The following RBMS3 variants were observed in gnomAD, a reference collection of about 807,000 sequenced individuals.
RBMS3 encodes the protein RNA binding motif single stranded interacting protein 3.
RBMS3 carries 27 observed loss-of-function variants against 66.8 expected under a neutral mutation model. That is an observed-to-expected ratio of 0.40 (90% confidence interval 0.30 to 0.56). The LOEUF (loss-of-function observed/expected upper bound fraction) is 0.56. RBMS3 is among the 20% of genes least tolerant of loss of function. The pLI, the probability that RBMS3 is intolerant of heterozygous loss-of-function variation, is 0.40. For missense variants in RBMS3, 513 were observed against 549.5 expected (o/e 0.93, Z 0.66); for synonymous variants, 188 against 183.0 (o/e 1.03, Z -0.22).
intron 3 of RBMS3, among the ~76,000 whole-genome samples, chr3:29,508,407 C>T (rs1451157377): frequency 1.3e-5 from 2 of 152,032 alleles, no homozygotes; most frequent in African/African-American, 2.4e-5. Flanking sequence ...TGTGTCCATG[C>T]GTTCTCATTG....
intron 10 of RBMS3, among the ~76,000 whole-genome samples, chr3:29,923,411 T>TG (rs372628369): frequency 1.5e-3 from 227 of 152,148 alleles, no homozygotes; most frequent in African/African-American, 5.2e-3. Flanking sequence ...AATGATGAGG[T>TG]GGGGGGTTCT....
rs932447463 is a variant in RBMS3 at position 29,378,492 on chromosome 3, A to C, written c.76-56251A>C. ...GTCTCAAAAAAATAAAACATTAAAA[A>C]AAAAAACAAAAAACAACTGTCTATT... On this transcript the variant is annotated intron_variant, in intron 1 of 14. Transcript: ENST00000383767. Among the ~76,000 whole-genome samples the C allele has an allele frequency of 4.0e-4, 13 of 32,412 alleles. No homozygotes were observed. In the South Asian group the frequency reaches 0.048, roughly 119 times the overall value. 21.3% of individuals were successfully genotyped at this position (32,412 alleles called of 152,430 possible).
At chr3:29,351,896 C>A (rs1421455472) in intron 1 of RBMS3, among the ~76,000 whole-genome samples, 1 of 151,942 alleles carries the variant, frequency 6.6e-6, no homozygotes, top group Non-Finnish European at 1.5e-5. Flanking sequence ...CGTGCTCATA[C>A]ATTGCATACA....
At chr3:29,457,272 C>T (rs2042222637) in intron 2 of RBMS3, among the ~76,000 whole-genome samples, 1 of 152,176 alleles carries the variant, frequency 6.6e-6, no homozygotes, top group Admixed American at 6.5e-5. Context: ...TTGACTACCT[C>T]CACCTAGGTC....
chr3:29,328,431 T>C (rs979752437), intron 1 of RBMS3, among the ~76,000 whole-genome samples: 1 of 152,198 alleles, frequency 6.6e-6, no homozygotes, highest in African/African-American at 2.4e-5. Context: ...TTACACAGTT[T>C]CTTTCAATTC....
At chr3:29,438,028 TTC>T (rs34431369) in intron 2 of RBMS3, among the ~76,000 whole-genome samples, 2,129 of 142,390 alleles carry the variant, frequency 0.015, 23 homozygotes, top group African/African-American at 0.032. Context: ...CCTTGCTTGT[TTC>T]TCTCTCTCTC....
intron 6 of RBMS3, among the ~76,000 whole-genome samples, chr3:29,847,353 T>G (rs900063168): frequency 4.6e-5 from 7 of 152,230 alleles, no homozygotes; most frequent in Non-Finnish European, 1.0e-4. Flanking sequence ...TCTTTCTTTG[T>G]GCTTACTAGT....
rs1249206612 is a variant in RBMS3, at chr3:29,832,453, T to TC, written c.638-36405_638-36404insC. Reference sequence around the variant, plus strand: ...TGGGCATCTAGCAGAAAAGTCCCAGTACACTGTTGGAGCAAAAGGTATCCA... The same window carrying TC: ...TGGGCATCTAGCAGAAAAGTCCCAGTCACACTGTTGGAGCAAAAGGTATCCA... On this transcript the variant is annotated intron_variant, in intron 6 of 14. Coordinates refer to ENST00000383767, the MANE Select transcript of RBMS3 (RefSeq NM_001003793.3). 4.6e-5 allele frequency among the ~76,000 whole-genome samples: 7 copies of TC among 152,136 alleles called. No individual in the cohort carries two copies. In the East Asian group the frequency reaches 1.4e-3, roughly 29 times the overall value.
chr3:29,808,464 T>A (rs1354367555), intron 6 of RBMS3, among the ~76,000 whole-genome samples: 2 of 152,006 alleles, frequency 1.3e-5, no homozygotes, highest in Non-Finnish European at 2.9e-5. Flanking sequence ...TGCCAAAGGA[T>A]TTTGCAATTT....
intron 3 of RBMS3, among the ~76,000 whole-genome samples, chr3:29,570,619 C>A (rs145420622): frequency 6.6e-6 from 1 of 152,142 alleles, no homozygotes; most frequent in Non-Finnish European, 1.5e-5. Context: ...ATGTAATGAC[C>A]TCCAGTTTCA....
At chr3:29,977,017 T>C (rs1697635600) in intron 12 of RBMS3, among the ~76,000 whole-genome samples, 1 of 152,142 alleles carries the variant, frequency 6.6e-6, no homozygotes, top group Admixed American at 6.6e-5. Context: ...CTTAGCATCA[T>C]CTAGCACAAG....
At chr3:29,854,330 T>C (rs1010383081) in intron 6 of RBMS3, among the ~76,000 whole-genome samples, 29 of 152,234 alleles carry the variant, frequency 1.9e-4, no homozygotes, top group African/African-American at 6.3e-4. Context: ...ACTATTTGTA[T>C]ATATAACAAG....
chr3:29,963,316 C>T (rs1198275493), intron 12 of RBMS3, among the ~76,000 whole-genome samples: 1 of 151,994 alleles, frequency 6.6e-6, no homozygotes. Flanking sequence ...TCAGCATATC[C>T]GTGGGTGGAT....
chr3:29,637,597 C>A (rs1381428396), intron 4 of RBMS3, among the ~76,000 whole-genome samples: 1 of 151,808 alleles, frequency 6.6e-6, no homozygotes, highest in Non-Finnish European at 1.5e-5. Flanking sequence ...TTTTAATAAG[C>A]ATCTTAAGTT....
intron 2 of RBMS3, among the ~76,000 whole-genome samples, chr3:29,476,107 G>A (rs1241709119): frequency 1.3e-5 from 2 of 152,070 alleles, no homozygotes; most frequent in African/African-American, 2.4e-5. Flanking sequence ...GTAATGAGAA[G>A]GATTAAGGCA....
chr3:29,701,889 C>G (rs1030394879), intron 4 of RBMS3, among the ~76,000 whole-genome samples: 3 of 151,266 alleles, frequency 2.0e-5, no homozygotes, highest in Non-Finnish European at 4.4e-5. Flanking sequence ...CGGCGCCGCC[C>G]GGTCCCATCG....
At chr3:29,713,666 T>C (rs1204148944) in intron 4 of RBMS3, among the ~76,000 whole-genome samples, 2 of 152,218 alleles carry the variant, frequency 1.3e-5, no homozygotes, top group Non-Finnish European at 2.9e-5. Context: ...TTTTATACTT[T>C]AATGCATTCT....
chr3:29,319,373 A>G (rs891563688), intron 1 of RBMS3, among the ~76,000 whole-genome samples: 13 of 151,998 alleles, frequency 8.6e-5, no homozygotes, highest in African/African-American at 2.9e-4. Flanking sequence ...ATTCTTCTTT[A>G]ACTTATTTCA....
At chr3:29,550,724 T>C (rs533793555) in intron 3 of RBMS3, among the ~76,000 whole-genome samples, 4 of 152,180 alleles carry the variant, frequency 2.6e-5, no homozygotes, top group African/African-American at 9.7e-5. Context: ...ATCTGAAATT[T>C]AAGTTTAAAT....
Sources: gnomAD v4.1 joint callset for allele counts (sites outside exome capture counted in the v4.1 genomes callset) on GRCh38, gnomAD v4.1.1 for gene constraint, MANE v1.5 for transcripts, NCBI Gene and HGNC (gene_info 2026-07-23, HGNC 2026-07-21) for gene names.